BTD: variants seen among roughly 807,000 people sequenced by gnomAD.
The protein encoded by BTD is biocytinase.
Under a neutral mutation model 17.7 loss-of-function variants are expected in BTD, and 13 were observed. The ratio of observed to expected loss-of-function variants is 0.74; its 90% CI spans 0.48 to 1.17. The LOEUF is 1.17. Among genes scored for constraint, BTD ranks in the 50% most tolerant of loss-of-function variants. BTD has a pLI of 0.00. For synonymous variants in BTD, 240 were observed against 245.2 expected (o/e 0.98, Z 0.20); for missense variants, 674 against 650.4 (o/e 1.04, Z -0.39).
chr3:15,697,579 C>G (rs1353342077), intron 3 of BTD, among the ~76,000 whole-genome samples: 1 of 151,978 alleles, frequency 6.6e-6, no homozygotes, highest in Non-Finnish European at 1.5e-5. Flanking sequence ...GTTGAACCAG[C>G]CTTGCATCCC....
chr3:15,642,507 C>G (rs1559597510), intron 3 of BTD, among the ~76,000 whole-genome samples: 1 of 145,762 alleles, frequency 6.9e-6, no homozygotes, highest in Non-Finnish European at 1.5e-5. Flanking sequence ...CAGGCTGGAG[C>G]GCAGTGGCGC....
At chr3:15,654,106 A>AT (rs1416044981), downstream of BTD, among the ~76,000 whole-genome samples, 27 of 152,378 alleles carry the variant, frequency 1.8e-4, no homozygotes, top group African/African-American at 5.8e-4. Context: ...CCCCCAAAAC[A>AT]AATTGCTAAA....
intron 1 of BTD, among the ~76,000 whole-genome samples, chr3:15,606,084 G>A (rs1306467547): frequency 1.4e-5 from 2 of 143,046 alleles, no homozygotes; most frequent in Non-Finnish European, 3.0e-5. Flanking sequence ...AATCATCTTT[G>A]CACTTTGAGT....
At position 15,612,175 on chromosome 3, in the gene BTD, C is replaced by G. The variant is rs148554407; in HGVS notation, c.-17+10281C>G. Among the ~76,000 whole-genome samples, 690 of 152,246 alleles carry G rather than the reference C, an allele frequency of 4.5e-3. 5 individuals carry two copies. The highest frequency in any genetic ancestry group is 4.7e-3 in the Non-Finnish European group (320 of 68,014). On this transcript the variant is annotated intron_variant, in intron 1 of 3. Coordinates refer to ENST00000643237, the MANE Select transcript of BTD (RefSeq NM_001370658.1). ...ATTGCCAGAGTTAATAACATTTGCA[C>G]TGTGTTCTATAAATATAATCCTCAT...
chr3:15,661,826 G>C (rs1262449198), intron 3 of BTD, among the ~76,000 whole-genome samples: 1 of 152,150 alleles, frequency 6.6e-6, no homozygotes, highest in Non-Finnish European at 1.5e-5. Context: ...TCTGTGTCTA[G>C]ATTCACTTTT....
intron 3 of BTD, chr3:15,695,327 C>T: frequency 1.3e-6 from 1 of 752,670 alleles, no homozygotes; most frequent in Non-Finnish European, 2.2e-6. Context: ...CTTCCTTTGG[C>T]TCCAAAAAAT....
chr3:15,679,586 G>T (rs749832090), intron 3 of BTD: 2 of 1,581,400 alleles, frequency 1.3e-6, no homozygotes, highest in Admixed American at 1.8e-5. Flanking sequence ...AAAGAACCAG[G>T]TATTAAAATT....
chr3:15,615,527 T>G (rs939301868), intron 1 of BTD, among the ~76,000 whole-genome samples: 5 of 152,244 alleles, frequency 3.3e-5, no homozygotes, highest in African/African-American at 7.2e-5. Context: ...ATATCAAGAT[T>G]GGGACATGTT....
At chr3:15,694,959 G>T in intron 3 of BTD, 1 of 816,474 alleles carries the variant, frequency 1.2e-6, no homozygotes. Flanking sequence ...GTATACTAAG[G>T]ACCACAGACT....
At chr3:15,630,531 C>T (rs993456193) in intron 1 of BTD, among the ~76,000 whole-genome samples, 4 of 152,158 alleles carry the variant, frequency 2.6e-5, no homozygotes, top group South Asian at 2.1e-4. Context: ...AAAGATATAA[C>T]GTGTTTCAGT....
rs537799657 is a variant in BTD, at chr3:15,700,667, G to A, written c.400-9393G>A. 3.9e-5 allele frequency among the ~76,000 whole-genome samples: 6 copies of A among 152,166 alleles called. No homozygotes were observed. The South Asian group carries it at 1.0e-3, about 26-fold the overall frequency. ...CGGGCGCCTGTAGTCCCAGCTACTC[G>A]GGAGGCTGAGGCAGGAGAATTGCTT... On this transcript the variant is annotated intron_variant, in intron 3 of 3. Transcript: ENST00000672141.
intron 1 of BTD, chr3:15,602,183 TG>T (rs1379131568): frequency 7.1e-7 from 1 of 1,400,106 alleles, no homozygotes. Flanking sequence ...GAAGCAGATG[TG>T]TACCCCAGCA....
Position 15,689,982 on chromosome 3 carries a change from G to T in BTD, c.400-20078G>T, listed in dbSNP as rs755639816. 7.0e-5 allele frequency: 106 copies of T among 1,515,606 alleles called. 7 individuals are homozygous for T. The highest frequency in any genetic ancestry group is 3.1e-4 in the East Asian group (13 of 41,854). The allele number at this position is 1,515,606 out of a possible 1,614,324, so 93.9% of individuals were successfully genotyped here. On this transcript the variant is annotated intron_variant, in intron 3 of 3. Transcript: ENST00000672141. ...AGAAATTGAAAAAAAGTATTGGATA[G>T]AAGTTATAAATAAATCAAGCATAAT...
chr3:15,663,616 A>T (rs1254792592), intron 3 of BTD, among the ~76,000 whole-genome samples: 1 of 152,008 alleles, frequency 6.6e-6, no homozygotes, highest in Admixed American at 6.6e-5. Context: ...GTTGTTCATG[A>T]TATTCCTTTA....
chr3:15,674,925 A>C (rs2066776867), intron 3 of BTD, among the ~76,000 whole-genome samples: 2 of 152,092 alleles, frequency 1.3e-5, no homozygotes, highest in Non-Finnish European at 1.5e-5. Context: ...CAGTTTTGCT[A>C]TGTGTAGGGG....
chr3:15,695,742 T>C (rs142207479), intron 3 of BTD, among the ~76,000 whole-genome samples: 2 of 152,068 alleles, frequency 1.3e-5, no homozygotes, highest in East Asian at 1.9e-4. Flanking sequence ...TTAGGAGGGG[T>C]TGTGAAATAA....
Position 15,649,667 on chromosome 3 carries a change from GT to G in BTD, c.*4180del, listed in dbSNP as rs536233697. Among the ~76,000 whole-genome samples, 370 of 152,330 alleles carry G rather than the reference GT, an allele frequency of 2.4e-3. No individual in the cohort carries two copies. The highest frequency in any genetic ancestry group is 4.4e-3 in the Non-Finnish European group (297 of 68,036). Reference sequence around the variant, plus strand: ...GTGTGCTGAGCACAGTCTGGCCCCTGTACTGTTGTCTGCTTGAAATGGCGTC... The same window carrying G: ...GTGTGCTGAGCACAGTCTGGCCCCTGACTGTTGTCTGCTTGAAATGGCGTC... On this transcript the variant is annotated 3_prime_UTR_variant, in exon 4 of 4. Transcript: ENST00000643237.
At chr3:15,713,710 G>A (rs980736094), downstream of BTD, 13 of 1,002,110 alleles carry the variant, frequency 1.3e-5, no homozygotes, top group Admixed American at 3.3e-4. Context: ...TACATGAAAA[G>A]TAATAAAAAA....
chr3:15,616,336 C>T (rs1177592975), intron 1 of BTD, among the ~76,000 whole-genome samples: 4 of 152,004 alleles, frequency 2.6e-5, no homozygotes, highest in South Asian at 4.2e-4. Flanking sequence ...TGTTTTGGGC[C>T]GGGCGCGGTG....
Sources: gnomAD v4.1 joint callset for allele counts (sites outside exome capture counted in the v4.1 genomes callset) on GRCh38, gnomAD v4.1.1 for gene constraint, MANE v1.5 for transcripts, NCBI Gene and HGNC (gene_info 2026-07-23, HGNC 2026-07-21) for gene names.